Variants in XKR6 observed in about 807,000 individuals in gnomAD.
The protein encoded by XKR6 is XK related 6.
In XKR6, 22 loss-of-function variants were observed where a neutral mutation model predicts 56.7. The observed-to-expected ratio is 0.39, with a 90% CI of 0.28 to 0.55. The LOEUF is 0.55. XKR6 is among the 20% of genes least tolerant of loss of function. The pLI, the probability that XKR6 is intolerant of heterozygous loss-of-function variation, is 0.66. For synonymous variants in XKR6, 524 were observed against 387.8 expected (o/e 1.35, Z -4.13); for missense variants, 852 against 889.0 (o/e 0.96, Z 0.53).
chr8:11,149,738 A>G (rs1563175879), intron 1 of XKR6, among the ~76,000 whole-genome samples: 1 of 152,224 alleles, frequency 6.6e-6, no homozygotes, highest in Non-Finnish European at 1.5e-5. Context: ...CAGCAATCCC[A>G]TTACTGGGCA....
chr8:10,904,183 C>CCCTG (rs1294029682), intron 2 of XKR6, among the ~76,000 whole-genome samples: 1 of 152,218 alleles, frequency 6.6e-6, no homozygotes, highest in African/African-American at 2.4e-5. Context: ...AGCTCCCTTT[C>CCCTG]CCTGGTGCAG....
intron 1 of XKR6, among the ~76,000 whole-genome samples, chr8:11,027,055 T>C (rs974043782): frequency 6.6e-6 from 1 of 152,156 alleles, no homozygotes; most frequent in Non-Finnish European, 1.5e-5. Flanking sequence ...TCTGGCCTAC[T>C]ACACACGTAG....
chr8:11,087,033 G>C (rs1797914237), intron 1 of XKR6, among the ~76,000 whole-genome samples: 1 of 152,140 alleles, frequency 6.6e-6, no homozygotes, highest in Admixed American at 6.5e-5. Flanking sequence ...GTGTGGGCAA[G>C]TAGAATCAAT....
chr8:10,943,884 T>C (rs1279069534), intron 1 of XKR6, among the ~76,000 whole-genome samples: 1 of 152,110 alleles, frequency 6.6e-6, no homozygotes, highest in Non-Finnish European at 1.5e-5. Context: ...ATTTTACAGA[T>C]GAGGACACCT....
intron 1 of XKR6, among the ~76,000 whole-genome samples, chr8:11,165,950 G>GT: frequency 6.9e-6 from 1 of 145,776 alleles, no homozygotes; most frequent in South Asian, 2.1e-4. Context: ...TATATATATA[G>GT]TTTTTTGGGT....
At chr8:11,028,817 C>G (rs550604326) in intron 1 of XKR6, among the ~76,000 whole-genome samples, 3 of 152,340 alleles carry the variant, frequency 2.0e-5, no homozygotes, top group Admixed American at 6.5e-5. Flanking sequence ...GGCACTATGA[C>G]AGTCCACATT....
At chr8:10,969,778 C>T (rs1192074523) in intron 1 of XKR6, among the ~76,000 whole-genome samples, 1 of 152,232 alleles carries the variant, frequency 6.6e-6, no homozygotes, top group East Asian at 1.9e-4. Context: ...AGCCAGGAGG[C>T]CACAGTATAT....
intron 2 of XKR6, among the ~76,000 whole-genome samples, chr8:10,909,037 G>A (rs552599391): frequency 1.4e-4 from 21 of 152,232 alleles, no homozygotes; most frequent in East Asian, 5.8e-4. Flanking sequence ...GTGGTGGCAC[G>A]CACCTGTAGT....
intron 2 of XKR6, among the ~76,000 whole-genome samples, chr8:10,908,118 C>T (rs562066380): frequency 2.2e-4 from 33 of 152,284 alleles, no homozygotes; most frequent in African/African-American, 7.7e-4. Flanking sequence ...CTTGCTCTGG[C>T]CAGGCACGTG....
intron 1 of XKR6, among the ~76,000 whole-genome samples, chr8:11,076,179 T>A (rs375876720): frequency 6.6e-6 from 1 of 152,168 alleles, no homozygotes; most frequent in African/African-American, 2.4e-5. Context: ...GTCAGATTCA[T>A]AGAGGCAGAT....
At chr8:11,137,483 G>C in intron 1 of XKR6, 1 of 444,558 alleles carries the variant, frequency 2.2e-6, no homozygotes, top group Non-Finnish European at 4.5e-6. Flanking sequence ...TCTTATCTGA[G>C]AATAGAATCT....
intron 1 of XKR6, among the ~76,000 whole-genome samples, chr8:10,969,362 G>A (rs569477069): frequency 1.1e-4 from 16 of 152,322 alleles, no homozygotes; most frequent in African/African-American, 3.8e-4. Flanking sequence ...AGTTAGATCT[G>A]GTTGAGGATG....
chr8:10,931,034 T>G (rs1420360623), intron 1 of XKR6, among the ~76,000 whole-genome samples: 1 of 152,230 alleles, frequency 6.6e-6, no homozygotes, highest in African/African-American at 2.4e-5. Context: ...TTGAAAATCC[T>G]AAGCAATCCT....
intron 1 of XKR6, among the ~76,000 whole-genome samples, chr8:10,996,719 A>G (rs1479682687): frequency 6.6e-6 from 1 of 152,162 alleles, no homozygotes; most frequent in East Asian, 1.9e-4. Context: ...AGACACTAAC[A>G]AGAAAAGTCT....
chr8:11,020,143 G>T (rs1278993841), intron 1 of XKR6, among the ~76,000 whole-genome samples: 2 of 152,130 alleles, frequency 1.3e-5, no homozygotes, highest in Non-Finnish European at 2.9e-5. Flanking sequence ...TGACTCCGTG[G>T]AGCATGGGGA....
At chr8:11,059,568 C>T (rs1237399379) in intron 1 of XKR6, among the ~76,000 whole-genome samples, 2 of 151,928 alleles carry the variant, frequency 1.3e-5, no homozygotes, top group African/African-American at 2.4e-5. Context: ...GAGCTCGGCT[C>T]CTCTTCCAGG....
chr8:10,898,455 G>C lies in XKR6; in HGVS notation c.1423C>G (p.Pro475Ala). The C allele has an allele frequency of 3.1e-6, 5 of 1,613,978 alleles. No homozygotes were observed. The highest frequency in any genetic ancestry group is 4.2e-6 in the Non-Finnish European group (5 of 1,180,004). ...CTAATAAAGACACAACACAGTGCTG[G>C]CACCGCATAGGAGTCAGTGGTCTCC... ...DPETTDSYAV[P>A]ALCCVFISFV... Residue 475 changes from proline (P) to alanine (A), a missense_variant, in exon 3 of 3, where the codon CCA (proline) becomes GCA (alanine). Pro to Ala is a conservative substitution (Grantham distance 27). Around this residue, in one of 4 missense-constraint regions of XKR6, gnomAD observed 197 missense variants for 190.9 expected, o/e 1.03. Coordinates refer to ENST00000416569, the MANE Select transcript of XKR6 (RefSeq NM_173683.4). This position sits in a 1 kb window ranked among gnomAD's most constrained non-coding sequence, Gnocchi z 6.6.
chr8:10,954,871 T>C lies in XKR6; in HGVS notation c.765-30041A>G, dbSNP rs1486596059. On this transcript the variant is annotated intron_variant, in intron 1 of 2. Transcript: ENST00000416569. ...TAAGGGTCTAACTTCATTCTCTTTTTTTTTTTTTTTTTTTTAGACAGAGTT... is the reference window on the plus strand; with the variant it reads ...TAAGGGTCTAACTTCATTCTCTTTTCTTTTTTTTTTTTTTTAGACAGAGTT... Among the ~76,000 whole-genome samples, 322 of 141,026 alleles carry C rather than the reference T, an allele frequency of 2.3e-3. 5 individuals carry two copies. Among genetic ancestry groups the C allele is most frequent in the African/African-American group, 7.9e-3 (307 of 38,688 alleles). The allele number at this position is 141,026 out of a possible 152,430, so 92.5% of individuals were successfully genotyped here.
chr8:11,102,114 T>A (rs1274890083), intron 1 of XKR6, among the ~76,000 whole-genome samples: 1 of 152,196 alleles, frequency 6.6e-6, no homozygotes, highest in South Asian at 2.1e-4. Flanking sequence ...AGTTCTTTTC[T>A]TCCTTAAGAC....
Sources: gnomAD v4.1 joint callset for allele counts (sites outside exome capture counted in the v4.1 genomes callset) on GRCh38, gnomAD v4.1.1 for gene constraint, gnomAD v4.1.1 regional missense constraint, Gnocchi (gnomAD v3.1) non-coding constraint, MANE v1.5 for transcripts, NCBI Gene and HGNC (gene_info 2026-07-23, HGNC 2026-07-21) for gene names.